Variants in CTTN observed in about 807,000 individuals in gnomAD.
The protein encoded by CTTN is src substrate cortactin.
Under a neutral mutation model 84.0 loss-of-function variants are expected in CTTN, and 28 were observed. The ratio of observed to expected loss-of-function variants is 0.33; its 90% CI spans 0.25 to 0.46. The LOEUF is 0.46. CTTN is among the 20% of genes least tolerant of loss of function. CTTN has a pLI of 1.00. For missense variants in CTTN, 641 were observed against 723.8 expected (o/e 0.89, Z 1.31); for synonymous variants, 301 against 288.8 (o/e 1.04, Z -0.43).
chr11:70,431,127 C>T (rs1310589768), intron 14 of CTTN, 64 bp from the exon 15 acceptor site: 27 of 1,506,122 alleles, frequency 1.8e-5, no homozygotes, highest in East Asian at 4.5e-5. Flanking sequence ...TTCTGAAACA[C>T]GGCAGGCGTG....
chr11:70,420,447 C>A lies in CTTN; in HGVS notation c.727C>A (p.Gln243Lys), dbSNP rs1445290387. 1 of 1,614,220 alleles carries A rather than the reference C, an allele frequency of 6.2e-7. No homozygotes were observed. Among genetic ancestry groups the A allele is most frequent in the South Asian group, 1.1e-5 (1 of 91,088 alleles). The change falls in exon 10 of 18, where the codon CAA becomes AAA. Residue 243 changes from glutamine to lysine, a missense_variant. This residue lies in a region of CTTN where 284 missense variants were observed against 348.4 expected (regional missense o/e 0.82). Transcript: ENST00000301843. ...AAAATTTGGTGTGCAGACAGACAGACAAGACAAATGTGCCCTTGGCTGGGA... is the reference window on the plus strand; with the variant it reads ...AAAATTTGGTGTGCAGACAGACAGAAAAGACAAATGTGCCCTTGGCTGGGA... ...GGKFGVQTDR[Q>K]DKCALGWDHQ...
chr11:70,420,915 T>C (rs1410892711), intron 10 of CTTN, among the ~76,000 whole-genome samples: 1 of 152,222 alleles, frequency 6.6e-6, no homozygotes, highest in Non-Finnish European at 1.5e-5. Context: ...CCTGCAGTGC[T>C]CCTCATCCAG....
In CTTN at chr11:70,417,140, G is replaced by T. The variant is rs775520998; in HGVS notation, c.568+17G>T. The T allele has an allele frequency of 6.3e-7, 1 of 1,586,444 alleles. No homozygotes were observed. The highest frequency in any genetic ancestry group is 8.7e-7 in the Non-Finnish European group (1 of 1,154,916). On this transcript the variant is annotated intron_variant, in intron 8 of 17. Coordinates refer to ENST00000301843, the MANE Select transcript of CTTN (RefSeq NM_005231.4). ...CACAGAGAGGTGGGGCGGACCCCACGGTCTGTAATCACGCGTTTGCTCCAG... is the reference window on the plus strand; with the variant it reads ...CACAGAGAGGTGGGGCGGACCCCACTGTCTGTAATCACGCGTTTGCTCCAG...
Position 70,436,544 on chromosome 11 carries a change from T to A in CTTN, c.*1382T>A. ...CCTCATAGGTATGATTTTTTTAAAT[T>A]AAAGAATTCAGAATAAACATTTTTT... On this transcript the variant is annotated 3_prime_UTR_variant, in exon 18 of 18. Coordinates refer to ENST00000301843, the MANE Select transcript of CTTN (RefSeq NM_005231.4). The A allele has an allele frequency of 1.3e-6, 1 of 768,742 alleles. No homozygotes were observed. Among genetic ancestry groups the A allele is most frequent in the Non-Finnish European group, 2.1e-6 (1 of 477,810 alleles). The allele number at this position is 768,742 out of a possible 1,614,324, so 47.6% of individuals were successfully genotyped here.
At chr11:70,428,153 C>CTTTTT (rs60189081) in intron 13 of CTTN, among the ~76,000 whole-genome samples, 1 of 62,618 alleles carries the variant, frequency 1.6e-5, no homozygotes, top group East Asian at 6.0e-4. Context: ...TGTCTTCCCA[C>CTTTTT]TTTTTTTTTT....
At chr11:70,422,722 C>T in intron 11 of CTTN, 1 of 1,450,496 alleles carries the variant, frequency 6.9e-7, no homozygotes, top group Non-Finnish European at 9.2e-7. Flanking sequence ...GCTGAAGCCT[C>T]TGCCCCTGGC....
At chr11:70,431,339 G>A (rs1323387125) in intron 15 of CTTN, 59 bp downstream of exon 15, 3 of 1,550,270 alleles carry the variant, frequency 1.9e-6, no homozygotes, top group Non-Finnish European at 8.9e-7. Context: ...CCCAGGTCCT[G>A]TTTGTGGAGT....
intron 6 of CTTN, 51 bp downstream of exon 6, chr11:70,414,703 C>G (rs1240850733): frequency 2.9e-6 from 4 of 1,376,462 alleles, no homozygotes; most frequent in Non-Finnish European, 4.1e-6. Flanking sequence ...GGGGGGCGTT[C>G]CCCGTAGATC....
intron 1 of CTTN, among the ~76,000 whole-genome samples, chr11:70,400,386 C>G (rs2057963370): frequency 6.6e-6 from 1 of 152,050 alleles, no homozygotes; most frequent in Admixed American, 6.6e-5. Context: ...GATCTCAAGC[C>G]CAGGAGTTGG....
At chr11:70,422,828 C>T in intron 11 of CTTN, 112 bp from the exon 12 acceptor site, 3 of 1,558,040 alleles carry the variant, frequency 1.9e-6, no homozygotes, top group Admixed American at 3.8e-5. Context: ...CTCGTTTCTT[C>T]CCGCTGTGGT....
chr11:70,403,225 T>C (rs1254583013), intron 1 of CTTN, among the ~76,000 whole-genome samples: 1 of 143,638 alleles, frequency 7.0e-6, no homozygotes, highest in Non-Finnish European at 1.5e-5. Context: ...AGTCTCACTC[T>C]GTCGCCAGGC....
chr11:70,433,268 C>G lies in CTTN; in HGVS notation c.1434C>G (p.His478Gln). Residue 478 changes from histidine to glutamine, a missense_variant, in exon 16 of 18, where the codon CAC becomes CAG. His to Gln is a conservative substitution (Grantham distance 24). Around this residue, in one of 3 missense-constraint regions of CTTN, gnomAD observed 289 missense variants for 273.1 expected, o/e 1.06. Transcript: ENST00000301843. ...AVYESAEAPG[H>Q]YPAEDSTYDE... ...ATGAAAGCGCAGAGGCCCCGGGCCA[C>G]TATCCCGCAGGTACTGGGGCCCCAC... 6.2e-7 allele frequency: 1 copy of G among 1,610,494 alleles called. No individual in the cohort carries two copies. The highest frequency in any genetic ancestry group is 8.5e-7 in the Non-Finnish European group (1 of 1,179,126).
chr11:70,416,843 A>G (rs893712633), intron 7 of CTTN, 170 bp from the exon 8 acceptor site: 8 of 595,738 alleles, frequency 1.3e-5, no homozygotes, highest in South Asian at 2.0e-5. Flanking sequence ...GTTGTGAAAC[A>G]GGGTCCAGCG....
chr11:70,429,039 C>A lies in CTTN; in HGVS notation c.1028-12C>A. ...GTGCTCAAGGCACACGTCCTCCCTCCTTCCTCTATAGTGACCAGCAAAACA... is the reference window on the plus strand; with the variant it reads ...GTGCTCAAGGCACACGTCCTCCCTCATTCCTCTATAGTGACCAGCAAAACA... On this transcript the variant is annotated splice_polypyrimidine_tract_variant and intron_variant, in intron 13 of 17. Coordinates refer to ENST00000301843, the MANE Select transcript of CTTN (RefSeq NM_005231.4). 6.2e-7 allele frequency: 1 copy of A among 1,614,076 alleles called. No individual in the cohort carries two copies. The highest frequency in any genetic ancestry group is 1.1e-5 in the South Asian group (1 of 91,076).
rs60189081 is a variant in CTTN at position 70,428,153 on chromosome 11, CTTTTTTTTTTTTT to C, written c.1028-879_1028-867del. Among the ~76,000 whole-genome samples, 136 of 62,626 alleles carry C rather than the reference CTTTTTTTTTTTTT, an allele frequency of 2.2e-3. 2 individuals are homozygous for C. The highest frequency in any genetic ancestry group is 6.0e-3 in the African/African-American group (119 of 19,926). 41.1% of individuals were successfully genotyped at this position (62,626 alleles called of 152,430 possible). A position where few individuals can be genotyped will look rare whatever the true frequency, so the allele number is the denominator to read the frequency against. On this transcript the variant is annotated intron_variant, in intron 13 of 17. Coordinates refer to ENST00000301843, the MANE Select transcript of CTTN (RefSeq NM_005231.4). Reference sequence around the variant, plus strand: ...CAGGGAAGGCTCATGTGTCTTCCCACTTTTTTTTTTTTTTTTTTTTTTTTTTTTTTTGAGACAG... The same window carrying C: ...CAGGGAAGGCTCATGTGTCTTCCCACTTTTTTTTTTTTTTTTTTGAGACAG...
intron 10 of CTTN, among the ~76,000 whole-genome samples, chr11:70,421,040 G>T (rs957921534): frequency 1.3e-5 from 2 of 152,234 alleles, no homozygotes; most frequent in African/African-American, 4.8e-5. Context: ...GCCTGAGGGG[G>T]CTGAAAGCCT....
At chr11:70,406,508 T>A (rs2058042130) in intron 2 of CTTN, among the ~76,000 whole-genome samples, 1 of 151,612 alleles carries the variant, frequency 6.6e-6, no homozygotes, top group Admixed American at 6.6e-5. Flanking sequence ...TCACTTCTTT[T>A]TATACATAGT....
In CTTN at chr11:70,435,654, T is replaced by G. The variant is rs1190285696; in HGVS notation, c.*492T>G. 1 of 1,596,476 alleles carries G rather than the reference T, an allele frequency of 6.3e-7. No homozygotes were observed. The highest frequency in any genetic ancestry group is 2.2e-5 in the East Asian group (1 of 44,850). ...AGGAGAGGACTGGGCCTGATGGAAG[T>G]TAACCCGGAGCTAAGTCACCCAGAG... On this transcript the variant is annotated 3_prime_UTR_variant, in exon 18 of 18. Coordinates refer to ENST00000301843, the MANE Select transcript of CTTN (RefSeq NM_005231.4).
At chr11:70,431,927 C>G (rs758304422) in intron 15 of CTTN, among the ~76,000 whole-genome samples, 1 of 152,174 alleles carries the variant, frequency 6.6e-6, no homozygotes, top group Non-Finnish European at 1.5e-5. Context: ...CTGTAACCAC[C>G]TCTCCTGTCC....
Sources: allele counts gnomAD v4.1 joint callset (sites outside exome capture counted in the v4.1 genomes callset), GRCh38; gene constraint gnomAD v4.1.1; regional missense constraint gnomAD v4.1.1; transcripts MANE v1.5; gene names NCBI Gene and HGNC (gene_info 2026-07-23, HGNC 2026-07-21).